Variants in GALNS observed in about 807,000 individuals in gnomAD.
The protein encoded by GALNS is N-acetylgalactosamine-6-sulfatase.
Under a neutral mutation model 65.9 loss-of-function variants are expected in GALNS, and 65 were observed. The observed-to-expected ratio is 0.99, with a 90% CI of 0.81 to 1.21. The LOEUF is 1.21. Ranked by LOEUF, GALNS falls within the 50% of genes most tolerant of loss-of-function variation. The pLI is 0.00. For synonymous variants in GALNS, 346 were observed against 288.9 expected, an observed-to-expected ratio of 1.20 and a Z score of -2.00; for missense variants, 776 against 700.7, an observed-to-expected ratio of 1.11 and a Z score of -1.21.
chr16:88,826,604 C>G (rs371641885), intron 10 of GALNS, 98 bp downstream of exon 10: 3 of 1,442,032 alleles, frequency 2.1e-6, no homozygotes, highest in African/African-American at 2.8e-5. Context: ...GTGTCCAGAA[C>G]CAGGAGGGCT....
At chr16:88,822,952 T>C (rs1182185694) in intron 11 of GALNS, among the ~76,000 whole-genome samples, 1 of 152,156 alleles carries the variant, frequency 6.6e-6, no homozygotes, top group African/African-American at 2.4e-5. Context: ...CCCATAAGCA[T>C]CCTGTGGAGG....
At position 88,835,817 on chromosome 16, in the gene GALNS, C is replaced by A. The variant is rs781256424; in HGVS notation, c.666G>T (p.Arg222=). The A allele has an allele frequency of 1.2e-6, 2 of 1,614,182 alleles. No individual in the cohort carries two copies. The highest frequency in any genetic ancestry group is 1.7e-6 in the Non-Finnish European group (2 of 1,180,034). ...CCCAGTAGAGGAAAAAGGGGTGGTGCCGTGCCTGTCTCTTAATGAAGTCCA... is the reference window on the plus strand; with the variant it reads ...CCCAGTAGAGGAAAAAGGGGTGGTGACGTGCCTGTCTCTTAATGAAGTCCA... ...EALDFIKRQA[R]HHPFFLYWAV... Residue 222 remains arginine, a synonymous_variant, in exon 7 of 14, where the codon CGG becomes CGT. Transcript: ENST00000268695.
rs113542193 is a variant in GALNS, at chr16:88,842,198, G to A, written c.245-227C>T. ...TGGCCCTTGGGCCCTGCAGCTCAGC[G>A]TTGTCCCCAAGACCCCGCCTCCTTT... On this transcript the variant is annotated intron_variant, in intron 2 of 13. Coordinates refer to ENST00000268695, the MANE Select transcript of GALNS (RefSeq NM_000512.5). The A allele has an allele frequency of 1.3e-3, 806 of 637,716 alleles. 5 individuals are homozygous for A. Among genetic ancestry groups the A allele is most frequent in the African/African-American group, 0.012 (677 of 55,866 alleles). 39.5% of individuals were successfully genotyped at this position (637,716 alleles called of 1,614,324 possible). A position where few individuals can be genotyped will look rare whatever the true frequency, so the allele number is the denominator to read the frequency against.
chr16:88,815,764 C>T, intron 13 of GALNS: 11 of 985,424 alleles, frequency 1.1e-5, no homozygotes, highest in Non-Finnish European at 1.2e-5. Context: ...TGTCCCTGCC[C>T]CCTTGGCCAC....
At chr16:88,851,703 T>G (rs1461375574) in intron 1 of GALNS, among the ~76,000 whole-genome samples, 5 of 152,140 alleles carry the variant, frequency 3.3e-5, no homozygotes, top group African/African-American at 1.2e-4. Flanking sequence ...CACCAGGAGA[T>G]TATATCCCGG....
chr16:88,855,337 T>C (rs764565959), intron 1 of GALNS: 13 of 700,030 alleles, frequency 1.9e-5, no homozygotes, highest in South Asian at 3.0e-5. Context: ...AGTTACACAA[T>C]GAAAAGAAGA....
chr16:88,850,879 G>T (rs1488714037), intron 1 of GALNS, among the ~76,000 whole-genome samples: 1 of 152,268 alleles, frequency 6.6e-6, no homozygotes, highest in African/African-American at 2.4e-5. Flanking sequence ...ATAAATCGTG[G>T]CATGTGCAAA....
At position 88,822,651 on chromosome 16, in the gene GALNS, G is replaced by C. The variant is rs1483787691; in HGVS notation, c.1302C>G (p.Asp434Glu). 1 of 1,613,198 alleles carries C rather than the reference G, an allele frequency of 6.2e-7. No homozygotes were observed. Among genetic ancestry groups the C allele is most frequent in the Admixed American group, 1.7e-5 (1 of 60,010 alleles). The change falls in exon 12 of 14, where the codon GAC becomes GAG. Residue 434 changes from aspartate (D) to glutamate (E), a missense_variant. Physicochemically the swap from Asp to Glu is conservative, Grantham distance 45 (BLOSUM62 2). Transcript: ENST00000268695. ...VSGVTTHNLE[D>E]HTKLPLIFHL... ...GGAAGATCAGGGGCAGCTTCGTGTGGTCTTCCAGATTGTGAGTTGTGACCC... is the reference window on the plus strand; with the variant it reads ...GGAAGATCAGGGGCAGCTTCGTGTGCTCTTCCAGATTGTGAGTTGTGACCC...
intron 9 of GALNS, among the ~76,000 whole-genome samples, chr16:88,831,747 A>G (rs1266078144): frequency 2.3e-4 from 8 of 34,934 alleles, no homozygotes; most frequent in East Asian, 9.1e-4. Flanking sequence ...GTGCGTGGGG[A>G]GGAGAGCGGT....
intron 10 of GALNS, 45 bp from the exon 11 acceptor site, chr16:88,824,914 G>A (rs200188757): frequency 2.0e-6 from 3 of 1,531,120 alleles, no homozygotes; most frequent in Admixed American, 3.4e-5. Context: ...GGAAGGACAC[G>A]CTGGGGCCAC....
At chr16:88,824,519 C>T (rs573769398) in intron 11 of GALNS, among the ~76,000 whole-genome samples, 1 of 152,224 alleles carries the variant, frequency 6.6e-6, no homozygotes, top group South Asian at 2.1e-4. Flanking sequence ...TAGGCCACGC[C>T]TGTAGCTATG....
intron 8 of GALNS, among the ~76,000 whole-genome samples, chr16:88,832,454 C>T (rs559120928): frequency 1.2e-4 from 18 of 152,304 alleles, no homozygotes; most frequent in African/African-American, 2.4e-4. Flanking sequence ...ACAAGCCTCC[C>T]GGTGTTTGGG....
At chr16:88,855,323 A>G in intron 1 of GALNS, 1 of 700,476 alleles carries the variant, frequency 1.4e-6, no homozygotes, top group Non-Finnish European at 2.6e-6. Flanking sequence ...GCTGGCCCAG[A>G]AGGAGTTACA....
chr16:88,828,470 C>T (rs1911152567), intron 9 of GALNS, among the ~76,000 whole-genome samples: 1 of 152,228 alleles, frequency 6.6e-6, no homozygotes, highest in African/African-American at 2.4e-5. Flanking sequence ...GGACTAAAGC[C>T]TCCCCTGCCC....
chr16:88,854,759 C>A (rs565972008), intron 1 of GALNS, among the ~76,000 whole-genome samples: 2 of 152,240 alleles, frequency 1.3e-5, no homozygotes, highest in African/African-American at 4.8e-5. Context: ...ACTCGCCAGG[C>A]GGCCCTGGTC....
intron 12 of GALNS, among the ~76,000 whole-genome samples, chr16:88,821,768 G>C (rs980394820): frequency 1.3e-5 from 2 of 152,196 alleles, no homozygotes; most frequent in Non-Finnish European, 2.9e-5. Flanking sequence ...CCTGGGCAGG[G>C]AGCAACCGCT....
intron 1 of GALNS, chr16:88,843,143 C>G (rs1381340927): frequency 7.0e-7 from 1 of 1,424,486 alleles, no homozygotes; most frequent in Non-Finnish European, 9.3e-7. Flanking sequence ...TCTGCCTCCT[C>G]CCAGCCTGAC....
intron 1 of GALNS, among the ~76,000 whole-genome samples, chr16:88,851,929 G>A (rs939321077): frequency 2.0e-5 from 3 of 152,254 alleles, no homozygotes; most frequent in Non-Finnish European, 4.4e-5. Flanking sequence ...TCTAGGAGCA[G>A]GGAATAGCTG....
In GALNS at chr16:88,824,773, G is replaced by C. The variant is rs746369083; in HGVS notation, c.1236C>G (p.Phe412Leu). 1 of 1,613,200 alleles carries C rather than the reference G, an allele frequency of 6.2e-7. No individual in the cohort carries two copies. Among genetic ancestry groups the C allele is most frequent in the Non-Finnish European group, 8.5e-7 (1 of 1,179,864 alleles). The change falls in exon 11 of 14, where the codon TTC (phenylalanine) becomes TTG (leucine). Residue 412 changes from phenylalanine to leucine, a missense_variant. Coordinates refer to ENST00000268695, the MANE Select transcript of GALNS (RefSeq NM_000512.5). ...FWTWTNSWEN[F>L]RQGIDFCPGQ... ...CACGTCCCGAGCCCTGTACCTGTCT[G>C]AAGTTCTCCCAGGAGTTGGTCCAGG...
Sources: gnomAD v4.1 joint callset for allele counts (sites outside exome capture counted in the v4.1 genomes callset) on GRCh38, gnomAD v4.1.1 for gene constraint, MANE v1.5 for transcripts, NCBI Gene and HGNC (gene_info 2026-07-23, HGNC 2026-07-21) for gene names.